Variants in ABCC3 observed in about 807,000 individuals in gnomAD.
The protein encoded by ABCC3 is ATP binding cassette subfamily C member 3.
Under a neutral mutation model 165.3 loss-of-function variants are expected in ABCC3, and 121 were observed. The observed-to-expected ratio is 0.73, with a 90% CI of 0.63 to 0.85. The LOEUF is 0.85. Among genes scored for constraint, ABCC3 ranks in the 40% least tolerant of loss-of-function variants. The pLI is 0.00. For synonymous variants in ABCC3, 733 were observed against 810.1 expected (o/e 0.90, Z 1.62); for missense variants, 1,869 against 1,964.1 (o/e 0.95, Z 0.92).
chr17:50,669,623 T>C, intron 17 of ABCC3, 95 bp downstream of exon 17: 3 of 1,365,576 alleles, frequency 2.2e-6, no homozygotes, highest in Non-Finnish European at 3.0e-6. Flanking sequence ...CATTCACACA[T>C]TGGTGTAACG....
At chr17:50,635,861 C>T (rs1022976364) in intron 1 of ABCC3, 2 of 405,428 alleles carry the variant, frequency 4.9e-6, no homozygotes, top group Admixed American at 7.5e-5. Flanking sequence ...GTGGCCTGGG[C>T]GAAAGAGTGA....
At chr17:50,661,507 C>T (rs1468056616) in intron 8 of ABCC3, among the ~76,000 whole-genome samples, 4 of 152,186 alleles carry the variant, frequency 2.6e-5, no homozygotes, top group Admixed American at 6.5e-5. Flanking sequence ...CTCTGAGCTC[C>T]GACTGAGGTG....
chr17:50,675,262 G>A lies in ABCC3; in HGVS notation c.2600-100G>A, dbSNP rs1967774174. 8 of 714,644 alleles carry A rather than the reference G, an allele frequency of 1.1e-5. No homozygotes were observed. The East Asian group carries it at 2.2e-4, about 19-fold the overall frequency. 44.3% of individuals were successfully genotyped at this position (714,644 alleles called of 1,614,324 possible). A position where few individuals can be genotyped will look rare whatever the true frequency, so the allele number is the denominator to read the frequency against. ...TCCCCCTCATTTTATTTTCATGCTTGTCCATTGAACCCCTTTCATTAGAGT... is the reference window on the plus strand; with the variant it reads ...TCCCCCTCATTTTATTTTCATGCTTATCCATTGAACCCCTTTCATTAGAGT... On this transcript the variant is annotated intron_variant, in intron 19 of 30. Coordinates refer to ENST00000285238, the MANE Select transcript of ABCC3 (RefSeq NM_003786.4).
At chr17:50,673,983 T>C (rs1597856864) in intron 19 of ABCC3, among the ~76,000 whole-genome samples, 2 of 4,954 alleles carry the variant, frequency 4.0e-4, no homozygotes, top group Admixed American at 2.4e-3. Flanking sequence ...TTTCTTTCTC[T>C]CTCTCTCTCT....
Position 50,678,230 on chromosome 17 carries a change from C to T in ABCC3, c.3705+11C>T, listed in dbSNP as rs761651816. On this transcript the variant is annotated intron_variant, in intron 25 of 30. Transcript: ENST00000285238. ...TCCTACTCCTTGCAGGTATGAAGGG[C>T]CTGGACCCCAGGGCAGGGCCACCAC... The T allele has an allele frequency of 5.6e-5, 85 of 1,517,484 alleles. No homozygotes were observed. The highest frequency in any genetic ancestry group is 2.7e-4 in the Admixed American group (12 of 44,100). 94.0% of individuals were successfully genotyped at this position (1,517,484 alleles called of 1,614,324 possible).
At chr17:50,647,785 C>T (rs1372487225) in intron 1 of ABCC3, among the ~76,000 whole-genome samples, 1 of 152,224 alleles carries the variant, frequency 6.6e-6, no homozygotes, top group Non-Finnish European at 1.5e-5. Context: ...CACCTGTAAT[C>T]CCAGCACTTT....
rs1323963107 is a variant in ABCC3 at position 50,663,767 on chromosome 17, T to C, written c.1085T>C (p.Met362Thr). ...GGGCTGATGTTCCTGTGCTCCATGA[T>C]GCAGTCGCTGATCTTACAACACTAT... Reference protein sequence around the residue: ...VAGLMFLCSMMQSLILQHYYH... With the variant: ...VAGLMFLCSMTQSLILQHYYH... Residue 362 changes from methionine to threonine, a missense_variant, in exon 9 of 31, where the codon ATG becomes ACG. Transcript: ENST00000285238. The C allele has an allele frequency of 6.2e-7, 1 of 1,614,226 alleles. No individual in the cohort carries two copies. Among genetic ancestry groups the C allele is most frequent in the Admixed American group, 1.7e-5 (1 of 60,034 alleles).
rs774802123 is a variant in ABCC3, at chr17:50,683,763, G to A, written c.3954+7G>A. On this transcript the variant is annotated splice_region_variant and intron_variant, in intron 27 of 30. Transcript: ENST00000285238. ...TGTGCACGGTGGCGAGAAGGTACGC[G>A]TGGGGTAGGCGGGCCTGCGTGTGTG... The A allele has an allele frequency of 4.1e-5, 65 of 1,602,808 alleles. No individual in the cohort carries two copies. The highest frequency in any genetic ancestry group is 5.4e-5 in the African/African-American group (4 of 74,166).
intron 26 of ABCC3, 71 bp from the exon 27 acceptor site, chr17:50,683,539 G>A: frequency 6.9e-7 from 1 of 1,457,024 alleles, no homozygotes; most frequent in East Asian, 2.5e-5. Flanking sequence ...GGGCCTTGGG[G>A]GAGAGAGACC....
At chr17:50,683,908 T>C in intron 27 of ABCC3, 41 bp from the exon 28 acceptor site, 2 of 1,602,250 alleles carry the variant, frequency 1.2e-6, no homozygotes, top group Non-Finnish European at 1.7e-6. Flanking sequence ...GCCTTTGACC[T>C]CTCAGCTTCC....
chr17:50,647,549 G>A (rs1216973576), intron 1 of ABCC3, among the ~76,000 whole-genome samples: 1 of 152,208 alleles, frequency 6.6e-6, no homozygotes, highest in Admixed American at 6.5e-5. Context: ...TGATGAGAGA[G>A]AGCACCAAGG....
chr17:50,635,220 G>T, intron 1 of ABCC3: 2 of 627,966 alleles, frequency 3.2e-6, no homozygotes, highest in South Asian at 3.8e-5. Flanking sequence ...TGCAGCACTG[G>T]GGAGCCCGGG....
At chr17:50,688,842 G>A (rs1467669916) in intron 30 of ABCC3, among the ~76,000 whole-genome samples, 1 of 151,580 alleles carries the variant, frequency 6.6e-6, no homozygotes, top group African/African-American at 2.4e-5. Flanking sequence ...AGCAAAGATT[G>A]CAGTGAGCCA....
At chr17:50,650,612 C>T (rs140579701) in intron 1 of ABCC3, among the ~76,000 whole-genome samples, 12 of 152,208 alleles carry the variant, frequency 7.9e-5, no homozygotes, top group Non-Finnish European at 1.3e-4. Flanking sequence ...TCTCTTTTTC[C>T]GTTATCAAAA....
chr17:50,644,087 C>T (rs1459575037), intron 1 of ABCC3, among the ~76,000 whole-genome samples: 6 of 151,588 alleles, frequency 4.0e-5, no homozygotes, highest in South Asian at 2.1e-4. Flanking sequence ...CTGAGGCGGG[C>T]GGATCACAAG....
rs190803136 is a variant in ABCC3, at chr17:50,671,318, T to C, written c.2242-1653T>C. Among the ~76,000 whole-genome samples the C allele has an allele frequency of 1.4e-4, 22 of 152,128 alleles. No individual in the cohort carries two copies. In the East Asian group the frequency reaches 4.1e-3, roughly 28 times the overall value. ...TTCTTAGTGTACAGTTCAGCAATGT[T>C]AAGTACATTTACATTGCTGTGCAAC... On this transcript the variant is annotated intron_variant, in intron 17 of 30. Coordinates refer to ENST00000285238, the MANE Select transcript of ABCC3 (RefSeq NM_003786.4).
At chr17:50,684,573 C>T in intron 28 of ABCC3, 136 bp from the exon 29 acceptor site, 1 of 924,122 alleles carries the variant, frequency 1.1e-6, no homozygotes, top group Non-Finnish European at 1.6e-6. Context: ...TCTCTTTGGC[C>T]ATTGTGTCCT....
At chr17:50,663,296 T>C (rs1967434270) in intron 8 of ABCC3, 1 of 232,250 alleles carries the variant, frequency 4.3e-6, no homozygotes, top group South Asian at 7.1e-5. Context: ...CAAGAGTCTT[T>C]GTGGTCATGT....
intron 1 of ABCC3, among the ~76,000 whole-genome samples, chr17:50,642,773 C>T (rs1209337636): frequency 2.0e-5 from 3 of 152,210 alleles, no homozygotes; most frequent in South Asian, 2.1e-4. Flanking sequence ...GCCATGCCAC[C>T]GGCCTGCAAG....
Sources: allele counts gnomAD v4.1 joint callset (sites outside exome capture counted in the v4.1 genomes callset), GRCh38; gene constraint gnomAD v4.1.1; transcripts MANE v1.5; gene names NCBI Gene and HGNC (gene_info 2026-07-23, HGNC 2026-07-21).